ATP13A4: variants seen among roughly 807,000 people sequenced by gnomAD.
ATP13A4 encodes the protein probable cation-transporting ATPase 13A4.
In ATP13A4, 114 loss-of-function variants were observed where a neutral mutation model predicts 142.5. The observed-to-expected ratio is 0.80, with a 90% CI of 0.69 to 0.93. The LOEUF (loss-of-function observed/expected upper bound fraction) is 0.93, where lower values mean the gene tolerates loss of function less well. Among genes scored for constraint, ATP13A4 ranks in the 40% least tolerant of loss-of-function variants. ATP13A4 has a pLI of 0.00. For missense variants in ATP13A4, 1,392 were observed against 1,454.0 expected (o/e 0.96, Z 0.69); for synonymous variants, 488 against 514.8 (o/e 0.95, Z 0.70).
At chr3:193,468,758 G>A (rs977426391) in intron 9 of ATP13A4, among the ~76,000 whole-genome samples, 12 of 152,284 alleles carry the variant, frequency 7.9e-5, no homozygotes, top group Middle Eastern at 3.4e-3. Flanking sequence ...AAAAAGGAAA[G>A]AAACAAGGAA....
chr3:193,435,891 T>A, intron 23 of ATP13A4, 147 bp from the exon 24 acceptor site: 10 of 742,622 alleles, frequency 1.3e-5, no homozygotes, highest in Non-Finnish European at 2.3e-5. Flanking sequence ...CCTGAGCTCA[T>A]GGATGCTGGC....
intron 2 of ATP13A4, among the ~76,000 whole-genome samples, chr3:193,509,834 A>G (rs1219722440): frequency 3.9e-5 from 6 of 152,226 alleles, no homozygotes; most frequent in African/African-American, 1.2e-4. Flanking sequence ...CTTGAGAAAG[A>G]GAAAGCATGT....
At position 193,440,654 on chromosome 3, in the gene ATP13A4, A is replaced by G; in HGVS notation, c.2440-17T>C. On this transcript the variant is annotated splice_polypyrimidine_tract_variant and intron_variant, in intron 20 of 29. Coordinates refer to ENST00000342695, the MANE Select transcript of ATP13A4 (RefSeq NM_032279.4). Reference sequence around the variant, plus strand: ...GATCAATATCTGTAAGGAACCCAAAATGGAGATTTTTTTATCAAGTCATCT... The same window carrying G: ...GATCAATATCTGTAAGGAACCCAAAGTGGAGATTTTTTTATCAAGTCATCT... 3 of 1,612,654 alleles carry G rather than the reference A, an allele frequency of 1.9e-6. No individual in the cohort carries two copies. The highest frequency in any genetic ancestry group is 2.5e-6 in the Non-Finnish European group (3 of 1,178,870).
chr3:193,562,565 T>C (rs918154196), intron 2 of ATP13A4, among the ~76,000 whole-genome samples: 2 of 152,154 alleles, frequency 1.3e-5, no homozygotes, highest in African/African-American at 2.4e-5. Flanking sequence ...GTGAAACCAA[T>C]TTCAAATATA....
At chr3:193,432,225 A>G (rs1716023193) in intron 25 of ATP13A4, among the ~76,000 whole-genome samples, 2 of 152,082 alleles carry the variant, frequency 1.3e-5, no homozygotes, top group Non-Finnish European at 2.9e-5. Flanking sequence ...CTACAAACCT[A>G]TTAGAATGGC....
At position 193,502,759 on chromosome 3, in the gene ATP13A4, G is replaced by A. The variant is rs1011769253; in HGVS notation, c.235-120C>T. The A allele has an allele frequency of 1.2e-4, 132 of 1,082,598 alleles. 1 individual carries two copies. In the South Asian group the frequency reaches 1.7e-3, roughly 14 times the overall value. 67.1% of individuals were successfully genotyped at this position (1,082,598 alleles called of 1,614,324 possible). On this transcript the variant is annotated intron_variant, in intron 2 of 29. Coordinates refer to ENST00000342695, the MANE Select transcript of ATP13A4 (RefSeq NM_032279.4). ...GTGTTTGGCGTTAGTGAATATTCTA[G>A]ACAGAACGGTTTGTCTCTGAAAGAT... is the stretch of plus-strand genomic sequence containing the variant.
chr3:193,572,641 A>G (rs1361725790), intron 2 of ATP13A4, among the ~76,000 whole-genome samples: 1 of 152,166 alleles, frequency 6.6e-6, no homozygotes, highest in Non-Finnish European at 1.5e-5. Flanking sequence ...TGATGTTTCA[A>G]GGTCTGGACA....
intron 10 of ATP13A4, among the ~76,000 whole-genome samples, 181 bp from the exon 11 acceptor site, chr3:193,466,363 C>T (rs943931412): frequency 1.3e-5 from 2 of 152,202 alleles, no homozygotes; most frequent in East Asian, 3.9e-4. Context: ...TATCTCAGAG[C>T]CCAGTACTCT....
At chr3:193,496,916 C>T (rs1173969622) in intron 3 of ATP13A4, among the ~76,000 whole-genome samples, 1 of 151,976 alleles carries the variant, frequency 6.6e-6, no homozygotes, top group Non-Finnish European at 1.5e-5. Context: ...CAAAACTCAA[C>T]TTGAAATAGA....
At chr3:193,558,123 G>T (rs1723942712), upstream of ATP13A4, among the ~76,000 whole-genome samples, 2 of 152,198 alleles carry the variant, frequency 1.3e-5, no homozygotes, top group African/African-American at 4.8e-5. Context: ...TTCCTGATCA[G>T]CCTGTGCTCT....
intron 2 of ATP13A4, among the ~76,000 whole-genome samples, chr3:193,573,270 T>C (rs1724311042): frequency 1.0e-5 from 1 of 97,604 alleles, no homozygotes; most frequent in South Asian, 3.0e-4. Flanking sequence ...CATATATATA[T>C]ATATACATAT....
chr3:193,438,397 T>C, intron 23 of ATP13A4, 78 bp downstream of exon 23: 1 of 1,239,724 alleles, frequency 8.1e-7, no homozygotes, highest in Non-Finnish European at 1.2e-6. Context: ...GTTTCTCTAG[T>C]CTTTCCCAGG....
intron 17 of ATP13A4, 146 bp downstream of exon 17, chr3:193,453,955 T>C: frequency 2.8e-6 from 2 of 717,976 alleles, no homozygotes; most frequent in Non-Finnish European, 5.0e-6. Context: ...TTCAGAGACA[T>C]GTTATGCACA....
intron 25 of ATP13A4, among the ~76,000 whole-genome samples, chr3:193,432,770 C>T (rs1396013775): frequency 1.1e-4 from 16 of 151,946 alleles, no homozygotes; most frequent in Non-Finnish European, 1.5e-5. Context: ...AAGGCCAAAA[C>T]TACTGAGACG....
At chr3:193,548,375 T>C (rs1239166881) in intron 1 of ATP13A4, among the ~76,000 whole-genome samples, 1 of 152,178 alleles carries the variant, frequency 6.6e-6, no homozygotes, top group Non-Finnish European at 1.5e-5. Flanking sequence ...AAAATGTTAA[T>C]TGAGCAGGGT....
chr3:193,493,537 T>C (rs187283402), intron 3 of ATP13A4, among the ~76,000 whole-genome samples: 2 of 152,200 alleles, frequency 1.3e-5, no homozygotes, highest in Non-Finnish European at 1.5e-5. Context: ...TGAAATGCTG[T>C]AGACGTAAAG....
chr3:193,524,573 A>G (rs533121593), intron 1 of ATP13A4, among the ~76,000 whole-genome samples: 1 of 152,348 alleles, frequency 6.6e-6, no homozygotes, highest in Non-Finnish European at 1.5e-5. Context: ...CAGCCTATTT[A>G]CTGCTCAGTG....
Position 193,402,462 on chromosome 3 carries a change from C to T in ATP13A4, c.*190G>A. ...ATACCTTCAGAAGCCAAGAGGAAAG[C>T]ACTCTTCTGGGTCAATGTTCTTCTC... is the stretch of plus-strand genomic sequence containing the variant. On this transcript the variant is annotated 3_prime_UTR_variant, in exon 30 of 30. Transcript: ENST00000342695. 2 of 577,432 alleles carry T rather than the reference C, an allele frequency of 3.5e-6. No individual in the cohort carries two copies. Among genetic ancestry groups the T allele is most frequent in the Admixed American group, 3.0e-5 (1 of 33,498 alleles). The allele number at this position is 577,432 out of a possible 1,614,324, so 35.8% of individuals were successfully genotyped here. A position where few individuals can be genotyped will look rare whatever the true frequency, so the allele number is the denominator to read the frequency against.
At chr3:193,555,092 G>A, upstream of ATP13A4, 1 of 533,042 alleles carries the variant, frequency 1.9e-6, no homozygotes, top group Non-Finnish European at 3.2e-6. Context: ...ATCTTTTTGT[G>A]CCCAACTTAC....
Sources: gnomAD v4.1 joint callset for allele counts (sites outside exome capture counted in the v4.1 genomes callset) on GRCh38, gnomAD v4.1.1 for gene constraint, MANE v1.5 for transcripts, NCBI Gene and HGNC (gene_info 2026-07-23, HGNC 2026-07-21) for gene names.